Variants in CAMK1D observed in about 807,000 individuals in gnomAD.
The protein encoded by CAMK1D is calcium/calmodulin dependent protein kinase ID.
In CAMK1D, 9 loss-of-function variants were observed where a neutral mutation model predicts 47.7. That is an observed-to-expected ratio of 0.19 (90% CI 0.11 to 0.33). The LOEUF is 0.33. Among genes scored for constraint, CAMK1D ranks in the 10% least tolerant of loss-of-function variants. The probability of loss-of-function intolerance (pLI) is 1.00; values close to 1 mark genes in which losing one functional copy is unlikely to be tolerated. For missense variants in CAMK1D, 291 were observed against 488.7 expected (o/e 0.60, Z 3.81); for synonymous variants, 184 against 184.9 (o/e 0.99, Z 0.04).
At chr10:12,358,737 G>A (rs1837582048) in intron 1 of CAMK1D, among the ~76,000 whole-genome samples, 1 of 152,124 alleles carries the variant, frequency 6.6e-6, no homozygotes, top group African/African-American at 2.4e-5. Context: ...AGGGAGATAG[G>A]AGTTGCTGCC....
chr10:12,780,753 G>A (rs1837457603), intron 5 of CAMK1D, among the ~76,000 whole-genome samples: 1 of 152,168 alleles, frequency 6.6e-6, no homozygotes, highest in African/African-American at 2.4e-5. Context: ...CTCTCCGACT[G>A]TTAGTGTCAC....
At chr10:12,806,528 G>A (rs1196162643) in intron 6 of CAMK1D, among the ~76,000 whole-genome samples, 2 of 152,172 alleles carry the variant, frequency 1.3e-5, no homozygotes, top group Non-Finnish European at 2.9e-5. Context: ...TCCAGCCTCT[G>A]GGCCCTGGCC....
intron 3 of CAMK1D, among the ~76,000 whole-genome samples, chr10:12,743,355 AAAAAG>A (rs1564530089): frequency 8.5e-6 from 1 of 118,144 alleles, no homozygotes; most frequent in African/African-American, 2.8e-5. Flanking sequence ...TCAAAAAAAA[AAAAAG>A]AAAAAAGAAA....
At chr10:12,694,043 TATA>T (rs1833066050) in intron 3 of CAMK1D, among the ~76,000 whole-genome samples, 1 of 66,090 alleles carries the variant, frequency 1.5e-5, no homozygotes, top group African/African-American at 6.6e-5. Flanking sequence ...AAAATATACA[TATA>T]ATATATATTA....
chr10:12,379,327 T>C (rs985586392), intron 1 of CAMK1D, among the ~76,000 whole-genome samples: 1 of 152,250 alleles, frequency 6.6e-6, no homozygotes, highest in East Asian at 1.9e-4. Context: ...CCTCTACTTA[T>C]AGTTCATAAA....
chr10:12,390,692 A>G (rs1269559573), intron 1 of CAMK1D, among the ~76,000 whole-genome samples: 1 of 152,128 alleles, frequency 6.6e-6, no homozygotes, highest in Non-Finnish European at 1.5e-5. Context: ...CCCTTGGGTC[A>G]TGTCACGTGG....
chr10:12,626,475 CTTT>C (rs35033817), intron 2 of CAMK1D, among the ~76,000 whole-genome samples: 1 of 136,282 alleles, frequency 7.3e-6, no homozygotes. Context: ...TTCTTTCTTT[CTTT>C]TTTTTTTTTT....
At chr10:12,828,039 CA>C (rs1833319598) in intron 10 of CAMK1D, among the ~76,000 whole-genome samples, 2 of 152,156 alleles carry the variant, frequency 1.3e-5, no homozygotes, top group Non-Finnish European at 2.9e-5. Context: ...ACACACCAAC[CA>C]AGGGTAGGAA....
intron 2 of CAMK1D, among the ~76,000 whole-genome samples, chr10:12,606,676 C>T (rs150016039): frequency 1.5e-3 from 229 of 152,300 alleles, no homozygotes; most frequent in African/African-American, 5.3e-3. Context: ...ATCCCTGTGG[C>T]GTCTCGGGCA....
intron 2 of CAMK1D, among the ~76,000 whole-genome samples, chr10:12,611,844 C>T (rs1838636011): frequency 1.3e-5 from 2 of 152,068 alleles, no homozygotes; most frequent in Non-Finnish European, 2.9e-5. Flanking sequence ...CTACCCGCCT[C>T]GGCCTCCCAA....
intron 1 of CAMK1D, among the ~76,000 whole-genome samples, chr10:12,548,886 C>T (rs1039524030): frequency 3.3e-5 from 5 of 151,982 alleles, no homozygotes; most frequent in African/African-American, 9.7e-5. Context: ...GACAGAGTCT[C>T]GCTCTGTCAT....
At chr10:12,420,203 C>T (rs533451124) in intron 1 of CAMK1D, among the ~76,000 whole-genome samples, 227 of 152,300 alleles carry the variant, frequency 1.5e-3, no homozygotes, top group Middle Eastern at 3.4e-3. Flanking sequence ...TGTGATCTGT[C>T]CGTCTCGGCC....
rs867160818 is a variant in CAMK1D, at chr10:12,401,238, T to A, written c.92+51328T>A. Among the ~76,000 whole-genome samples the A allele has an allele frequency of 2.6e-3, 76 of 28,954 alleles. 13 individuals carry two copies. Among genetic ancestry groups the A allele is most frequent in the South Asian group, 3.7e-3 (4 of 1,074 alleles). 19.0% of individuals were successfully genotyped at this position (28,954 alleles called of 152,430 possible). ...GTATTATATATATTATATATATATTTTATATATATATAATATATGTATTAT... is the reference window on the plus strand; with the variant it reads ...GTATTATATATATTATATATATATTATATATATATATAATATATGTATTAT... On this transcript the variant is annotated intron_variant, in intron 1 of 10. Transcript: ENST00000619168.
intron 3 of CAMK1D, among the ~76,000 whole-genome samples, chr10:12,732,176 G>T (rs982730496): frequency 4.6e-5 from 7 of 152,294 alleles, no homozygotes; most frequent in Admixed American, 2.0e-4. Flanking sequence ...GGGAGGCGGA[G>T]GTTGCAGTGA....
At chr10:12,478,099 G>A (rs1288955108) in intron 1 of CAMK1D, among the ~76,000 whole-genome samples, 4 of 148,432 alleles carry the variant, frequency 2.7e-5, no homozygotes, top group African/African-American at 7.5e-5. Context: ...TCCGCCTCCC[G>A]GGTTCATGCC....
chr10:12,616,528 TTG>T (rs1554797713), intron 2 of CAMK1D, among the ~76,000 whole-genome samples: 2 of 152,098 alleles, frequency 1.3e-5, no homozygotes, highest in Non-Finnish European at 2.9e-5. Flanking sequence ...GTTGTTGTTG[TTG>T]TTTTTGAGAC....
At chr10:12,388,930 G>A (rs934423815) in intron 1 of CAMK1D, among the ~76,000 whole-genome samples, 7 of 152,132 alleles carry the variant, frequency 4.6e-5, no homozygotes, top group South Asian at 2.1e-4. Flanking sequence ...ATGAGCCTGC[G>A]GTAAAGGCGT....
At chr10:12,350,354 C>T (rs1307109875) in intron 1 of CAMK1D, among the ~76,000 whole-genome samples, 1 of 152,260 alleles carries the variant, frequency 6.6e-6, no homozygotes, top group Non-Finnish European at 1.5e-5. Context: ...TCTGTCCTTA[C>T]ATCATGTATT....
At chr10:12,448,171 C>T (rs904204315) in intron 1 of CAMK1D, among the ~76,000 whole-genome samples, 1 of 149,684 alleles carries the variant, frequency 6.7e-6, no homozygotes, top group Non-Finnish European at 1.5e-5. Flanking sequence ...CTTACTTTTA[C>T]TTTTTGTATT....
Sources: allele counts gnomAD v4.1 joint callset (sites outside exome capture counted in the v4.1 genomes callset), GRCh38; gene constraint gnomAD v4.1.1; transcripts MANE v1.5; gene names NCBI Gene and HGNC (gene_info 2026-07-23, HGNC 2026-07-21).